MTHFD1L: variants seen among roughly 807,000 people sequenced by gnomAD.
MTHFD1L encodes the protein methylenetetrahydrofolate dehydrogenase (NADP+ dependent) 1 like.
A neutral mutation model predicts 119.5 loss-of-function variants in MTHFD1L; 81 were observed. That is an observed-to-expected ratio of 0.68 (90% CI 0.57 to 0.82). The LOEUF is 0.82. Among genes scored for constraint, MTHFD1L ranks in the 40% least tolerant of loss-of-function variants. The pLI, the probability that MTHFD1L is intolerant of heterozygous loss-of-function variation, is 0.00. For missense variants in MTHFD1L, 1,125 were observed against 1,253.4 expected (o/e 0.90, Z 1.55); for synonymous variants, 430 against 475.2 (o/e 0.90, Z 1.24).
chr6:151,015,053 G>A, intron 23 of MTHFD1L, 73 bp downstream of exon 23: 2 of 1,247,122 alleles, frequency 1.6e-6, no homozygotes, highest in East Asian at 4.8e-5. Context: ...TGTGTCTTGG[G>A]GTATTTGGTC....
At position 150,876,153 on chromosome 6, in the gene MTHFD1L, G is replaced by A; in HGVS notation, c.291G>A (p.Lys97=). The change falls in exon 2 of 28, where the codon AAG becomes AAA. Residue 97 remains lysine, a synonymous_variant. Coordinates refer to ENST00000367321, the MANE Select transcript of MTHFD1L (RefSeq NM_015440.5). ...TGCAAGAAAAAAACCCTGCCTTCAA[G>A]CCGGTTCTTGCAATTATCCAGGTAA... is the stretch of plus-strand genomic sequence containing the variant. ...SLLQEKNPAF[K]PVLAIIQAGD... The A allele has an allele frequency of 6.3e-7, 1 of 1,597,546 alleles. No homozygotes were observed. The highest frequency in any genetic ancestry group is 8.5e-7 in the Non-Finnish European group (1 of 1,172,738).
intron 20 of MTHFD1L, among the ~76,000 whole-genome samples, chr6:150,975,265 C>T (rs796587740): frequency 2.2e-4 from 33 of 152,270 alleles, no homozygotes; most frequent in African/African-American, 7.5e-4. Flanking sequence ...ATACGTACCA[C>T]GGAACTCTAG....
chr6:151,007,459 G>A (rs368046589), intron 20 of MTHFD1L, among the ~76,000 whole-genome samples: 18 of 152,286 alleles, frequency 1.2e-4, no homozygotes, highest in Admixed American at 2.6e-4. Flanking sequence ...ACAAAGATGT[G>A]AACTATTTTT....
intron 8 of MTHFD1L, 101 bp downstream of exon 8, chr6:150,905,862 T>C: frequency 1.1e-6 from 1 of 907,408 alleles, no homozygotes; most frequent in Non-Finnish European, 1.8e-6. Flanking sequence ...ATGTTAGCAG[T>C]CGTCAACATT....
At chr6:150,963,051 G>A (rs1355149725) in intron 18 of MTHFD1L, among the ~76,000 whole-genome samples, 2 of 151,906 alleles carry the variant, frequency 1.3e-5, no homozygotes, top group African/African-American at 4.8e-5. Flanking sequence ...GAGTTGCTGG[G>A]ATGACAGGCA....
chr6:151,014,343 G>C (rs567786495), intron 22 of MTHFD1L, among the ~76,000 whole-genome samples: 1 of 152,226 alleles, frequency 6.6e-6, no homozygotes, highest in East Asian at 1.9e-4. Context: ...TGTACTCCCA[G>C]GGTAGCCATC....
intron 6 of MTHFD1L, among the ~76,000 whole-genome samples, chr6:150,886,435 CAAAA>C (rs996165446): frequency 0.084 from 5,825 of 69,548 alleles, 138 homozygotes; most frequent in Non-Finnish European, 0.12. Context: ...GACCCTGCCT[CAAAA>C]AAAAAAAAAA....
intron 11 of MTHFD1L, among the ~76,000 whole-genome samples, chr6:150,933,529 G>T (rs886727480): frequency 2.0e-4 from 30 of 152,194 alleles, no homozygotes; most frequent in Non-Finnish European, 1.3e-4. Flanking sequence ...AGATGCAGAG[G>T]TGACTGATAA....
At chr6:151,022,805 C>T (rs186874948) in intron 24 of MTHFD1L, among the ~76,000 whole-genome samples, 2 of 152,272 alleles carry the variant, frequency 1.3e-5, no homozygotes, top group African/African-American at 2.4e-5. Context: ...TTACATTTTC[C>T]AGTCAGTTAT....
chr6:150,962,561 T>C (rs1328345703), intron 18 of MTHFD1L, among the ~76,000 whole-genome samples: 2 of 152,212 alleles, frequency 1.3e-5, no homozygotes, highest in African/African-American at 2.4e-5. Context: ...GATTCTGATA[T>C]ACCCTGGAAG....
chr6:150,929,055 A>G (rs1340988143), intron 11 of MTHFD1L, among the ~76,000 whole-genome samples: 2 of 152,154 alleles, frequency 1.3e-5, no homozygotes, highest in Admixed American at 6.5e-5. Flanking sequence ...CGAGTGTGGG[A>G]AAGTTCCTGG....
At chr6:151,013,742 A>G (rs1421787601) in intron 21 of MTHFD1L, 37 bp from the exon 22 acceptor site, 6 of 1,574,438 alleles carry the variant, frequency 3.8e-6, no homozygotes, top group East Asian at 2.2e-5. Context: ...AAGCATTTTT[A>G]TAGGATTATT....
At chr6:150,886,432 C>A (rs1167179779) in intron 6 of MTHFD1L, among the ~76,000 whole-genome samples, 4 of 121,858 alleles carry the variant, frequency 3.3e-5, no homozygotes, top group African/African-American at 6.9e-5. Flanking sequence ...CAAGACCCTG[C>A]CTCAAAAAAA....
intron 26 of MTHFD1L, among the ~76,000 whole-genome samples, chr6:151,065,809 C>T (rs908369207): frequency 1.3e-5 from 2 of 152,178 alleles, no homozygotes; most frequent in African/African-American, 2.4e-5. Flanking sequence ...ATGCGGTGGC[C>T]GCCATGACCA....
chr6:151,009,746 C>T lies in MTHFD1L; in HGVS notation c.2126-73C>T, dbSNP rs1267200148. ...TGTAAGCTGTCCTTTGAGCTCGAATCATAGTGGTGATTGCCAAAACCTACC... is the reference window on the plus strand; with the variant it reads ...TGTAAGCTGTCCTTTGAGCTCGAATTATAGTGGTGATTGCCAAAACCTACC... On this transcript the variant is annotated intron_variant, in intron 20 of 27. Transcript: ENST00000367321. 4 of 1,530,746 alleles carry T rather than the reference C, an allele frequency of 2.6e-6. No homozygotes were observed. The Admixed American group carries it at 5.3e-5, about 20-fold the overall frequency. The allele number at this position is 1,530,746 out of a possible 1,614,324, so 94.8% of individuals were successfully genotyped here.
intron 26 of MTHFD1L, among the ~76,000 whole-genome samples, chr6:151,062,083 T>C (rs1424736146): frequency 1.3e-5 from 2 of 152,224 alleles, no homozygotes; most frequent in Admixed American, 6.5e-5. Flanking sequence ...AAGCAGCCTC[T>C]AAGTCAACTG....
intron 26 of MTHFD1L, among the ~76,000 whole-genome samples, chr6:151,071,534 G>A (rs544634245): frequency 7.9e-5 from 12 of 152,100 alleles, no homozygotes; most frequent in South Asian, 6.3e-4. Flanking sequence ...CAAGGTCACC[G>A]AGAGGGCAGC....
At chr6:150,910,711 G>T (rs1786739586) in intron 8 of MTHFD1L, among the ~76,000 whole-genome samples, 1 of 152,098 alleles carries the variant, frequency 6.6e-6, no homozygotes. Context: ...ATGATACCTC[G>T]GGGCAGTGCC....
At position 151,094,927 on chromosome 6, in the gene MTHFD1L, G is replaced by A. The variant is rs145792390; in HGVS notation, c.*31+2340G>A. Among the ~76,000 whole-genome samples the A allele has an allele frequency of 3.7e-3, 565 of 152,294 alleles. 1 individual carries two copies. The highest frequency in any genetic ancestry group is 0.012 in the African/African-American group (517 of 41,560). ...CTCCTGACCTCAAGTGAGCCACCTC[G>A]TCTGGCCAAGTTTTTTTGTTGAGGC... On this transcript the variant is annotated intron_variant, in intron 27 of 27. Coordinates refer to ENST00000367321, the MANE Select transcript of MTHFD1L (RefSeq NM_015440.5).
Sources: gnomAD v4.1 joint callset for allele counts (sites outside exome capture counted in the v4.1 genomes callset) on GRCh38, gnomAD v4.1.1 for gene constraint, MANE v1.5 for transcripts, NCBI Gene and HGNC (gene_info 2026-07-23, HGNC 2026-07-21) for gene names.